OSBP2: variants seen among roughly 807,000 people sequenced by gnomAD.
OSBP2 encodes the protein oxysterol binding protein 2.
OSBP2 carries 66 observed loss-of-function variants against 96.0 expected under a neutral mutation model. That is an observed-to-expected ratio of 0.69 (90% confidence interval 0.56 to 0.84). The LOEUF (loss-of-function observed/expected upper bound fraction) is 0.84, where lower values mean the gene tolerates loss of function less well. Among genes scored for constraint, OSBP2 ranks in the 40% least tolerant of loss-of-function variants. The pLI is 0.00. For synonymous variants in OSBP2, 525 were observed against 520.9 expected (o/e 1.01, Z -0.11); for missense variants, 1,038 against 1,222.7 (o/e 0.85, Z 2.25).
In OSBP2 at chr22:30,881,767, G is replaced by A; in HGVS notation, c.1108-5659G>A. On this transcript the variant is annotated intron_variant, in intron 3 of 13. Coordinates refer to ENST00000332585, the MANE Select transcript of OSBP2 (RefSeq NM_030758.4). The surrounding 1 kb of genome is among the most constrained non-coding windows in gnomAD (Gnocchi z 4.5). Reference sequence around the variant, plus strand: ...TGGGGCCTGGAGAAGGCCGGCAGCAGCAGAGGAGACCCTGGGAGTCAGGGA... The same window carrying A: ...TGGGGCCTGGAGAAGGCCGGCAGCAACAGAGGAGACCCTGGGAGTCAGGGA... 4 of 1,304,206 alleles carry A rather than the reference G, an allele frequency of 3.1e-6. No individual in the cohort carries two copies. The highest frequency in any genetic ancestry group is 4.0e-6 in the Non-Finnish European group (4 of 988,948). 80.8% of individuals were successfully genotyped at this position (1,304,206 alleles called of 1,614,324 possible). A position where few individuals can be genotyped will look rare whatever the true frequency, so the allele number is the denominator to read the frequency against.
intron 2 of OSBP2, among the ~76,000 whole-genome samples, chr22:30,787,153 TA>T (rs1167658739): frequency 6.6e-6 from 1 of 152,116 alleles, no homozygotes; most frequent in African/African-American, 2.4e-5. Context: ...CTCACACTGC[TA>T]ATAAAGACAT....
rs550670029 is a variant in OSBP2 at position 30,734,401 on chromosome 22, C to CCA, written c.645-6760_645-6759insCA. 8.2e-3 allele frequency among the ~76,000 whole-genome samples: 1,253 copies of CCA among 152,326 alleles called. 11 individuals are homozygous for CCA. The highest frequency in any genetic ancestry group is 0.02 in the Middle Eastern group (6 of 294). On this transcript the variant is annotated intron_variant, in intron 1 of 13. Transcript: ENST00000332585. ...GGAATATTGCACACCTCCATAGCCT[C>CCA]TTGCGGGAGAGGAGTTACCACTGCA...
At chr22:30,880,983 G>A (rs1012005336) in intron 3 of OSBP2, among the ~76,000 whole-genome samples, 1 of 152,146 alleles carries the variant, frequency 6.6e-6, no homozygotes. Context: ...TGGTGGTCAG[G>A]CAGGGCCTGG....
At chr22:30,897,014 A>G (rs1328424924) in intron 12 of OSBP2, among the ~76,000 whole-genome samples, 2 of 152,226 alleles carry the variant, frequency 1.3e-5, no homozygotes, top group Non-Finnish European at 2.9e-5. Flanking sequence ...AAAGGTATAT[A>G]AAAGTTGAAA....
intron 1 of OSBP2, among the ~76,000 whole-genome samples, chr22:30,736,546 G>T (rs972042566): frequency 1.3e-5 from 2 of 152,310 alleles, no homozygotes; most frequent in South Asian, 4.1e-4. Context: ...CTGTGACCCT[G>T]AGAAGGTGAT....
intron 3 of OSBP2, 124 bp from the exon 4 acceptor site, chr22:30,887,302 A>T: frequency 1.4e-6 from 1 of 735,848 alleles, no homozygotes; most frequent in Non-Finnish European, 2.3e-6. Flanking sequence ...AATGCAGCCC[A>T]GTAGGTTTCA....
At chr22:30,726,123 T>C (rs1329445639) in intron 1 of OSBP2, among the ~76,000 whole-genome samples, 1 of 152,176 alleles carries the variant, frequency 6.6e-6, no homozygotes, top group Non-Finnish European at 1.5e-5. Context: ...AAGTGCTACA[T>C]AGATGAAAGT....
At chr22:30,829,452 CTGGCTAATTTTTGTATTTTTA>C (rs2038476953) in intron 2 of OSBP2, among the ~76,000 whole-genome samples, 1 of 152,142 alleles carries the variant, frequency 6.6e-6, no homozygotes, top group Non-Finnish European at 1.5e-5. Context: ...GCCACCACGC[CTGGCTAATTTTTGTATTTTTA>C]GTAGAGATGG....
At chr22:30,742,612 A>G (rs1377219568) in intron 2 of OSBP2, among the ~76,000 whole-genome samples, 4 of 152,090 alleles carry the variant, frequency 2.6e-5, no homozygotes, top group African/African-American at 9.7e-5. Context: ...TGCCTTCTTT[A>G]TTTTCCATTT....
rs188227906 is a variant in OSBP2 at position 30,723,886 on chromosome 22, G to A, written c.645-17275G>A. On this transcript the variant is annotated intron_variant, in intron 1 of 13. Coordinates refer to ENST00000332585, the MANE Select transcript of OSBP2 (RefSeq NM_030758.4). ...TTGTTACAGTGGATGAACCCACATC[G>A]TTATTACCCACAGTGCATGGTTTAC... 9.9e-5 allele frequency among the ~76,000 whole-genome samples: 15 copies of A among 152,208 alleles called. No homozygotes were observed. The East Asian group carries it at 1.5e-3, about 16-fold the overall frequency.
chr22:30,901,088 A>T (rs1401632725), intron 12 of OSBP2, among the ~76,000 whole-genome samples: 1 of 152,036 alleles, frequency 6.6e-6, no homozygotes, highest in East Asian at 1.9e-4. Context: ...CTTTTTTTTG[A>T]GATGGAGTCT....
chr22:30,896,658 T>TG (rs1163757050), intron 12 of OSBP2, among the ~76,000 whole-genome samples: 1 of 151,600 alleles, frequency 6.6e-6, no homozygotes, highest in Non-Finnish European at 1.5e-5. Flanking sequence ...TTTTTTTTTT[T>TG]TTTTTAAGAG....
chr22:30,702,702 G>C (rs1424748358), intron 1 of OSBP2, among the ~76,000 whole-genome samples: 1 of 152,202 alleles, frequency 6.6e-6, no homozygotes, highest in Non-Finnish European at 1.5e-5. Flanking sequence ...TCTCCTGTTT[G>C]AAATACCTAG....
In OSBP2 at chr22:30,894,010, G is replaced by A. The variant is rs992913872; in HGVS notation, c.2375+9G>A. 5 of 1,580,070 alleles carry A rather than the reference G, an allele frequency of 3.2e-6. No homozygotes were observed. The highest frequency in any genetic ancestry group is 3.4e-6 in the Non-Finnish European group (4 of 1,164,152). ...AAGAAGTACCCGCTGCCGTGAGTAG[G>A]GCTGGCAGGGGCCCCGCCACAGGCA... On this transcript the variant is annotated intron_variant, in intron 12 of 13. Coordinates refer to ENST00000332585, the MANE Select transcript of OSBP2 (RefSeq NM_030758.4).
At chr22:30,709,017 T>G (rs2089301626) in intron 1 of OSBP2, among the ~76,000 whole-genome samples, 1 of 151,900 alleles carries the variant, frequency 6.6e-6, no homozygotes, top group African/African-American at 2.4e-5. Flanking sequence ...GGAGAATCAC[T>G]TGAACCCAAG....
chr22:30,854,797 G>A (rs5994350), intron 2 of OSBP2, among the ~76,000 whole-genome samples: 45,727 of 151,882 alleles, frequency 0.3, 7,127 homozygotes, highest in Middle Eastern at 0.43. Flanking sequence ...CTGTTCTCAC[G>A]CTGCTAATAA....
chr22:30,794,649 C>T (rs1194260111), intron 2 of OSBP2, among the ~76,000 whole-genome samples: 1 of 151,554 alleles, frequency 6.6e-6, no homozygotes, highest in Non-Finnish European at 1.5e-5. Flanking sequence ...TTTGCTACTT[C>T]CCAGACAATT....
chr22:30,750,842 T>C (rs2090065903), intron 2 of OSBP2, among the ~76,000 whole-genome samples: 1 of 152,230 alleles, frequency 6.6e-6, no homozygotes, highest in Non-Finnish European at 1.5e-5. Flanking sequence ...CCTCCCAGGT[T>C]CGAGCAATTC....
Position 30,822,436 on chromosome 22 carries a change from G to T in OSBP2, c.854-47993G>T, listed in dbSNP as rs983658455. 4.0e-5 allele frequency: 43 copies of T among 1,087,522 alleles called. 1 individual carries two copies. In the Admixed American group the frequency reaches 1.0e-3, roughly 25 times the overall value. 67.4% of individuals were successfully genotyped at this position (1,087,522 alleles called of 1,614,324 possible). A position where few individuals can be genotyped will look rare whatever the true frequency, so the allele number is the denominator to read the frequency against. ...GCTCAGGCTGGGCTCGGCTCCCGCG[G>T]CGCGGACGGGGTTAACGCGCTCATG... On this transcript the variant is annotated intron_variant, in intron 2 of 13. Coordinates refer to ENST00000332585, the MANE Select transcript of OSBP2 (RefSeq NM_030758.4).
Sources: gnomAD v4.1 joint callset for allele counts (sites outside exome capture counted in the v4.1 genomes callset) on GRCh38, gnomAD v4.1.1 for gene constraint, Gnocchi (gnomAD v3.1) non-coding constraint, MANE v1.5 for transcripts, NCBI Gene and HGNC (gene_info 2026-07-23, HGNC 2026-07-21) for gene names.